The following GNE variants were observed in gnomAD, a reference collection of about 807,000 sequenced individuals.
GNE encodes the protein glucosamine (UDP-N-acetyl)-2-epimerase/N-acetylmannosamine kinase.
A neutral mutation model predicts 61.8 loss-of-function variants in GNE; 41 were observed. The ratio of observed to expected loss-of-function variants is 0.66; its 90% CI spans 0.52 to 0.86. GNE has a LOEUF of 0.86. Among genes scored for constraint, GNE ranks in the 40% least tolerant of loss-of-function variants. The pLI, the probability that GNE is intolerant of heterozygous loss-of-function variation, is 0.00. For synonymous variants in GNE, 264 were observed against 326.4 expected (o/e 0.81, Z 2.06); for missense variants, 608 against 909.1 (o/e 0.67, Z 4.26).
At chr9:36,266,290 TG>T (rs979214526) in intron 1 of GNE, among the ~76,000 whole-genome samples, 3 of 152,226 alleles carry the variant, frequency 2.0e-5, no homozygotes, top group African/African-American at 7.2e-5. Flanking sequence ...GCCCAGGGGT[TG>T]GGGACCCCCT....
At chr9:36,244,939 C>CAAA (rs200558832) in intron 3 of GNE, among the ~76,000 whole-genome samples, 3 of 94,132 alleles carry the variant, frequency 3.2e-5, no homozygotes, top group Admixed American at 1.2e-4. Flanking sequence ...GACTCCATCT[C>CAAA]AAAAAAAAAA....
intron 6 of GNE, among the ~76,000 whole-genome samples, chr9:36,228,695 G>C (rs1404628709): frequency 4.0e-5 from 6 of 149,904 alleles, no homozygotes; most frequent in African/African-American, 1.5e-4. Context: ...TTGGGAGGCT[G>C]AGACAGGAGA....
In GNE at chr9:36,249,370, G is replaced by GT. The variant is rs1455859289; in HGVS notation, c.-16dup. The stretch of plus-strand genomic sequence containing the variant: ...TTCTTCTCCATGATTTGCTTGTTTC[G>GT]TTTTGAGAGGTTCTTAAAATAGAGT... On this transcript the variant is annotated 5_prime_UTR_variant, in exon 2 of 12. Transcript: ENST00000642385. The GT allele has an allele frequency of 6.2e-7, 1 of 1,610,154 alleles. No individual in the cohort carries two copies. Among genetic ancestry groups the GT allele is most frequent in the East Asian group, 2.2e-5 (1 of 44,734 alleles).
intron 4 of GNE, 124 bp downstream of exon 4, chr9:36,236,708 G>A (rs1411029492): frequency 2.3e-6 from 2 of 852,854 alleles, no homozygotes; most frequent in African/African-American, 1.7e-5. Flanking sequence ...AAATTGGAAT[G>A]CATTTCAGAA....
chr9:36,273,253 T>C (rs1232969896), intron 1 of GNE, among the ~76,000 whole-genome samples: 1 of 149,584 alleles, frequency 6.7e-6, no homozygotes, highest in Admixed American at 6.7e-5. Flanking sequence ...TGTCTCACTC[T>C]GTGGCTCAGG....
At chr9:36,273,660 CT>C (rs11307863) in intron 1 of GNE, among the ~76,000 whole-genome samples, 51,095 of 139,112 alleles carry the variant, frequency 0.37, 8,736 homozygotes, top group African/African-American at 0.45. Context: ...ATTTGGAACT[CT>C]TTTTTTTTTT....
chr9:36,249,531 TC>T (rs1830033153), intron 1 of GNE, 134 bp from the exon 2 acceptor site: 1 of 634,166 alleles, frequency 1.6e-6, no homozygotes, highest in Admixed American at 2.9e-5. Context: ...TGATTCTTAA[TC>T]TTTTTTTGCA....
At chr9:36,254,280 A>G (rs1830240074) in intron 1 of GNE, among the ~76,000 whole-genome samples, 1 of 151,884 alleles carries the variant, frequency 6.6e-6, no homozygotes, top group Non-Finnish European at 1.5e-5. Flanking sequence ...TAATCCCAGC[A>G]CTTTGGGAGG....
chr9:36,268,078 G>A (rs569422879), intron 1 of GNE, among the ~76,000 whole-genome samples: 6 of 151,944 alleles, frequency 3.9e-5, no homozygotes, highest in African/African-American at 9.7e-5. Flanking sequence ...GGTCCAGGCC[G>A]CAGTGAGTCA....
intron 4 of GNE, among the ~76,000 whole-genome samples, chr9:36,236,202 T>A (rs2133075618): frequency 6.6e-6 from 1 of 152,248 alleles, no homozygotes; most frequent in South Asian, 2.1e-4. Flanking sequence ...TTCTTTCACT[T>A]CAACTTTTTT....
At chr9:36,249,693 G>C (rs576380407) in intron 1 of GNE, among the ~76,000 whole-genome samples, 31 of 151,670 alleles carry the variant, frequency 2.0e-4, no homozygotes, top group Non-Finnish European at 3.1e-4. Context: ...CCTGGCTAAC[G>C]TGGTGAAACC....
In GNE at chr9:36,218,918, G is replaced by GT. The variant is rs1828458913; in HGVS notation, c.1817-620dup. Among the ~76,000 whole-genome samples, 1 of 152,220 alleles carries GT rather than the reference G, an allele frequency of 6.6e-6. No homozygotes were observed. Among genetic ancestry groups the GT allele is most frequent in the South Asian group, 2.1e-4 (1 of 4,834 alleles). On this transcript the variant is annotated intron_variant, in intron 10 of 11. Coordinates refer to ENST00000642385, the MANE Select transcript of GNE (RefSeq NM_005476.7). This position sits in a 1 kb window ranked among gnomAD's most constrained non-coding sequence, Gnocchi z 4.1. ...AAGTGCTGGCCACAGTAAATGCTCA[G>GT]TAAGCAGCAGGTATTTCTGTGGTTA...
At chr9:36,264,059 G>A (rs536162988) in intron 1 of GNE, among the ~76,000 whole-genome samples, 2 of 152,310 alleles carry the variant, frequency 1.3e-5, no homozygotes, top group Admixed American at 6.5e-5. Flanking sequence ...GCCCTGACTT[G>A]ACTTGAATCC....
chr9:36,224,251 G>A (rs1828752644), intron 7 of GNE, among the ~76,000 whole-genome samples: 1 of 150,640 alleles, frequency 6.6e-6, no homozygotes, highest in East Asian at 2.0e-4. Flanking sequence ...AAACCAGCCT[G>A]GGAGGTACAG....
chr9:36,268,541 C>G (rs1015030546), intron 1 of GNE, among the ~76,000 whole-genome samples: 1 of 151,688 alleles, frequency 6.6e-6, no homozygotes, highest in Non-Finnish European at 1.5e-5. Flanking sequence ...GTGGCATGCA[C>G]CTGGAGTAAC....
chr9:36,224,417 G>C (rs184275444), intron 7 of GNE, among the ~76,000 whole-genome samples: 5 of 152,058 alleles, frequency 3.3e-5, no homozygotes, highest in Non-Finnish European at 7.4e-5. Context: ...CTGGGCAACA[G>C]AGTGAGACCC....
chr9:36,259,904 C>T (rs1176810943), upstream of GNE, among the ~76,000 whole-genome samples: 2 of 152,084 alleles, frequency 1.3e-5, no homozygotes, highest in Non-Finnish European at 2.9e-5. Context: ...TTAGGTGATC[C>T]GCCCACTTTG....
intron 1 of GNE, among the ~76,000 whole-genome samples, chr9:36,268,566 G>T (rs1826653130): frequency 6.6e-6 from 1 of 152,080 alleles, no homozygotes; most frequent in African/African-American, 2.4e-5. Context: ...TACTCGGGAG[G>T]CTGAGGTGGG....
rs1279221181 is a variant in GNE at position 36,258,414 on chromosome 9, C to A, written c.-136G>T. ...ACGAAGCAGGCAGAGCGCGAGCCTG[C>A]CCCTCGGTTTCCGCGCTCGGGCGCG... On this transcript the variant is annotated 5_prime_UTR_variant, in exon 1 of 12. Transcript: ENST00000642385. 4 of 985,382 alleles carry A rather than the reference C, an allele frequency of 4.1e-6. No homozygotes were observed. The highest frequency in any genetic ancestry group is 3.6e-6 in the Non-Finnish European group (3 of 829,982). The allele number at this position is 985,382 out of a possible 1,614,324, so 61.0% of individuals were successfully genotyped here.
Sources: gnomAD v4.1 joint callset for allele counts (sites outside exome capture counted in the v4.1 genomes callset) on GRCh38, gnomAD v4.1.1 for gene constraint, Gnocchi (gnomAD v3.1) non-coding constraint, MANE v1.5 for transcripts, NCBI Gene and HGNC (gene_info 2026-07-23, HGNC 2026-07-21) for gene names.